The following ITFG1 variants were observed in gnomAD, a reference collection of about 807,000 sequenced individuals.
The protein encoded by ITFG1 is T-cell immunomodulatory protein.
ITFG1 carries 34 observed loss-of-function variants against 81.8 expected under a neutral mutation model. The observed-to-expected ratio is 0.42, with a 90% CI of 0.32 to 0.55. ITFG1 has a LOEUF of 0.55. Among genes scored for constraint, ITFG1 ranks in the 20% least tolerant of loss-of-function variants. The pLI, the probability that ITFG1 is intolerant of heterozygous loss-of-function variation, is 0.17. For synonymous variants in ITFG1, 285 were observed against 270.6 expected, an observed-to-expected ratio of 1.05 and a Z score of -0.52; for missense variants, 672 against 755.4, an observed-to-expected ratio of 0.89 and a Z score of 1.29.
intron 8 of ITFG1, 95 bp from the exon 9 acceptor site, chr16:47,313,918 A>T: frequency 1.7e-6 from 1 of 604,738 alleles, no homozygotes; most frequent in Non-Finnish European, 2.8e-6. Context: ...AGTCTACATC[A>T]ATCTGGATAA....
Position 47,324,534 on chromosome 16 carries a change from G to A in ITFG1, c.803-10711C>T, listed in dbSNP as rs536657929. Among the ~76,000 whole-genome samples the A allele has an allele frequency of 1.6e-3, 242 of 152,086 alleles. 2 individuals carry two copies. Among genetic ancestry groups the A allele is most frequent in the African/African-American group, 5.5e-3 (228 of 41,458 alleles). ...GTTAAATGCTCCAATTAAAAGGCAC[G>A]GACTGGCAAATTGGATAAAGAGTCA... On this transcript the variant is annotated intron_variant, in intron 8 of 17. Coordinates refer to ENST00000320640, the MANE Select transcript of ITFG1 (RefSeq NM_030790.5).
chr16:47,272,465 G>A (rs542555215), intron 10 of ITFG1, among the ~76,000 whole-genome samples: 4 of 151,780 alleles, frequency 2.6e-5, no homozygotes, highest in South Asian at 2.1e-4. Context: ...GTGTGATCTC[G>A]GTTCACCGCA....
intron 13 of ITFG1, among the ~76,000 whole-genome samples, chr16:47,227,851 G>A (rs115423450): frequency 0.02 from 3,068 of 152,216 alleles, 105 homozygotes; most frequent in African/African-American, 0.07. Context: ...GACTTATAGA[G>A]TGGACTTAAC....
At chr16:47,173,771 T>C (rs532402625) in intron 14 of ITFG1, among the ~76,000 whole-genome samples, 2 of 152,374 alleles carry the variant, frequency 1.3e-5, no homozygotes, top group South Asian at 4.1e-4. Flanking sequence ...CTGGGCGCAG[T>C]GGCTCACGCC....
intron 6 of ITFG1, among the ~76,000 whole-genome samples, chr16:47,427,951 T>C (rs919213553): frequency 6.6e-6 from 1 of 152,118 alleles, no homozygotes; most frequent in Non-Finnish European, 1.5e-5. Context: ...CTAGGCAACA[T>C]AGGGAAACTC....
intron 12 of ITFG1, among the ~76,000 whole-genome samples, chr16:47,245,870 A>G (rs1245887442): frequency 6.6e-6 from 1 of 151,954 alleles, no homozygotes; most frequent in Non-Finnish European, 1.5e-5. Context: ...TGAAGAACTG[A>G]AGATTCGGAC....
intron 12 of ITFG1, among the ~76,000 whole-genome samples, chr16:47,244,750 C>A (rs1452950110): frequency 6.6e-6 from 1 of 151,566 alleles, no homozygotes; most frequent in African/African-American, 2.4e-5. Flanking sequence ...GGAGACAGGG[C>A]CTCTAAGGAA....
chr16:47,162,189 A>G (rs1241362024), intron 15 of ITFG1, among the ~76,000 whole-genome samples: 1 of 151,878 alleles, frequency 6.6e-6, no homozygotes, highest in Non-Finnish European at 1.5e-5. Context: ...ATGATTTTAC[A>G]TATTATATAA....
At chr16:47,406,101 T>TAAAAA (rs1472846028) in intron 6 of ITFG1, among the ~76,000 whole-genome samples, 2 of 152,186 alleles carry the variant, frequency 1.3e-5, no homozygotes, top group African/African-American at 4.8e-5. Context: ...CAACTGCAGT[T>TAAAAA]TTTAGTAAAC....
chr16:47,330,352 C>A (rs1257508700), intron 8 of ITFG1, among the ~76,000 whole-genome samples: 1 of 151,898 alleles, frequency 6.6e-6, no homozygotes, highest in African/African-American at 2.4e-5. Context: ...AGAACAAAAC[C>A]TAGGAAATAC....
intron 10 of ITFG1, among the ~76,000 whole-genome samples, chr16:47,295,950 T>A (rs1358934923): frequency 6.6e-6 from 1 of 152,222 alleles, no homozygotes; most frequent in Non-Finnish European, 1.5e-5. Context: ...CAGGCTGAAG[T>A]GCAAGTGGCA....
chr16:47,393,240 C>G (rs1226024675), intron 6 of ITFG1, among the ~76,000 whole-genome samples: 1 of 152,106 alleles, frequency 6.6e-6, no homozygotes, highest in Non-Finnish European at 1.5e-5. Flanking sequence ...CCAACAATAC[C>G]CCTTAAGGTG....
At chr16:47,419,589 CTTACTTCAGGTCT>C (rs1968917292) in intron 6 of ITFG1, among the ~76,000 whole-genome samples, 1 of 149,920 alleles carries the variant, frequency 6.7e-6, no homozygotes, top group Non-Finnish European at 1.5e-5. Flanking sequence ...CTTTCACGGC[CTTACTTCAGGTCT>C]TTTTTTTTTT....
chr16:47,454,673 C>T (rs1043500343), intron 2 of ITFG1, among the ~76,000 whole-genome samples: 32 of 151,884 alleles, frequency 2.1e-4, no homozygotes, highest in African/African-American at 6.3e-4. Context: ...TTTTTTTTAA[C>T]GAAACTTGGC....
intron 8 of ITFG1, among the ~76,000 whole-genome samples, chr16:47,330,350 AC>A (rs1967620431): frequency 6.6e-6 from 1 of 152,018 alleles, no homozygotes; most frequent in Admixed American, 6.6e-5. Context: ...CTAGAACAAA[AC>A]CTAGGAAATA....
At chr16:47,335,513 G>A (rs1394104206) in intron 8 of ITFG1, among the ~76,000 whole-genome samples, 6 of 152,076 alleles carry the variant, frequency 3.9e-5, no homozygotes. Context: ...AATATACAAA[G>A]AAGTACTATA....
At chr16:47,184,101 A>G (rs1965174207) in intron 14 of ITFG1, among the ~76,000 whole-genome samples, 2 of 152,166 alleles carry the variant, frequency 1.3e-5, no homozygotes, top group African/African-American at 4.8e-5. Context: ...AGAAATGAGC[A>G]AAGCCTCCAA....
intron 10 of ITFG1, chr16:47,263,017 G>C (rs190953938): frequency 1.0e-5 from 2 of 199,464 alleles, no homozygotes; most frequent in Admixed American, 5.4e-5. Context: ...TCATGGCTAG[G>C]GGCACAGGGA....
At chr16:47,441,160 C>T (rs1440916601) in intron 5 of ITFG1, among the ~76,000 whole-genome samples, 2 of 152,176 alleles carry the variant, frequency 1.3e-5, no homozygotes, top group East Asian at 1.9e-4. Context: ...AGACCAATAA[C>T]AGGCTCTGAA....
Sources: gnomAD v4.1 joint callset for allele counts (sites outside exome capture counted in the v4.1 genomes callset) on GRCh38, gnomAD v4.1.1 for gene constraint, MANE v1.5 for transcripts, NCBI Gene and HGNC (gene_info 2026-07-23, HGNC 2026-07-21) for gene names.